CEP112: variants seen among roughly 807,000 people sequenced by gnomAD.
The protein encoded by CEP112 is centrosomal protein of 112 kDa.
In CEP112, 127 loss-of-function variants were observed where a neutral mutation model predicts 153.0. The observed-to-expected ratio is 0.83, with a 90% confidence interval of 0.72 to 0.96. The LOEUF (loss-of-function observed/expected upper bound fraction) is 0.96, where lower values mean the gene tolerates loss of function less well. CEP112 is among the 40% of genes least tolerant of loss of function. The pLI is 0.00. For synonymous variants in CEP112, 358 were observed against 374.4 expected (o/e 0.96, Z 0.51); for missense variants, 1,089 against 1,101.2 (o/e 0.99, Z 0.16).
intron 21 of CEP112, among the ~76,000 whole-genome samples, chr17:65,823,220 T>C (rs527328301): frequency 6.6e-5 from 10 of 152,172 alleles, no homozygotes; most frequent in South Asian, 2.1e-4. Flanking sequence ...GAAACCATCA[T>C]AGGCAAAATG....
chr17:66,121,205 G>T (rs2069567766), intron 6 of CEP112, among the ~76,000 whole-genome samples: 1 of 152,140 alleles, frequency 6.6e-6, no homozygotes, highest in South Asian at 2.1e-4. Flanking sequence ...GAACCTGGGA[G>T]GCAGAAGTTG....
At chr17:65,841,923 C>T (rs1303674848) in intron 21 of CEP112, among the ~76,000 whole-genome samples, 1 of 151,748 alleles carries the variant, frequency 6.6e-6, no homozygotes, top group Admixed American at 6.6e-5. Context: ...CACACACACA[C>T]ACGAGACTTA....
At chr17:65,747,807 A>T (rs2051568264) in intron 22 of CEP112, among the ~76,000 whole-genome samples, 1 of 152,226 alleles carries the variant, frequency 6.6e-6, no homozygotes, top group Non-Finnish European at 1.5e-5. Context: ...ACGGTCTATT[A>T]GGTCCTACAG....
At chr17:65,965,886 C>T in intron 17 of CEP112, among the ~76,000 whole-genome samples, 1 of 152,070 alleles carries the variant, frequency 6.6e-6, no homozygotes, top group Non-Finnish European at 1.5e-5. Context: ...AGGGAAAGAT[C>T]CATTTTAATT....
intron 16 of CEP112, among the ~76,000 whole-genome samples, chr17:66,013,424 T>C (rs1353991154): frequency 2.6e-5 from 4 of 152,158 alleles, no homozygotes; most frequent in South Asian, 4.1e-4. Context: ...TTTATCTCCA[T>C]TGATGTCCTT....
intron 6 of CEP112, among the ~76,000 whole-genome samples, chr17:66,097,500 AGAAG>A (rs1178795229): frequency 2.0e-5 from 3 of 152,190 alleles, no homozygotes; most frequent in Admixed American, 6.5e-5. Flanking sequence ...TTCTTCAGAA[AGAAG>A]GAAGAAACAA....
chr17:65,870,049 G>GA (rs1185536929), intron 20 of CEP112, among the ~76,000 whole-genome samples: 1 of 71,606 alleles, frequency 1.4e-5, no homozygotes, highest in Non-Finnish European at 3.3e-5. Context: ...AAGAAAGAAA[G>GA]AAAGAAAGAA....
At chr17:65,756,240 C>T (rs1193131985) in intron 21 of CEP112, among the ~76,000 whole-genome samples, 2 of 151,770 alleles carry the variant, frequency 1.3e-5, no homozygotes, top group Admixed American at 6.6e-5. Context: ...CCCATCTCTA[C>T]TAAAAATACA....
chr17:65,916,989 T>A (rs1430128323), intron 19 of CEP112, among the ~76,000 whole-genome samples: 1 of 152,154 alleles, frequency 6.6e-6, no homozygotes, highest in Admixed American at 6.5e-5. Context: ...ACCCTTTCTA[T>A]GACTCTAGGC....
intron 6 of CEP112, among the ~76,000 whole-genome samples, chr17:66,127,996 A>G (rs2069931350): frequency 6.6e-6 from 1 of 152,008 alleles, no homozygotes; most frequent in Non-Finnish European, 1.5e-5. Context: ...ACTAACATGG[A>G]GTCCACTATA....
rs1386224849 is a variant in CEP112, at chr17:65,845,074, CT to C, written c.2394+6729del. On this transcript the variant is annotated intron_variant, in intron 21 of 26. Transcript: ENST00000535342. ...GTGGCTCACGCCTGTCCTCCCAGCA[CT>C]TTGGGAGGCCAAGGCGAGTGGATCA... Among the ~76,000 whole-genome samples the C allele has an allele frequency of 7.9e-5, 12 of 152,300 alleles. No individual in the cohort carries two copies. The South Asian group carries it at 2.3e-3, about 29-fold the overall frequency.
intron 18 of CEP112, among the ~76,000 whole-genome samples, chr17:65,950,719 A>AGTG (rs1424432895): frequency 2.0e-5 from 3 of 151,534 alleles, no homozygotes; most frequent in Non-Finnish European, 4.4e-5. Flanking sequence ...TAGTAGTAGT[A>AGTG]GTAGTAGTAG....
rs180868353 is a variant in CEP112 at position 65,941,021 on chromosome 17, G to T, written c.1873-13332C>A. Among the ~76,000 whole-genome samples, 129 of 151,990 alleles carry T rather than the reference G, an allele frequency of 8.5e-4. 1 individual carries two copies. The highest frequency in any genetic ancestry group is 3.0e-3 in the African/African-American group (123 of 41,454). On this transcript the variant is annotated intron_variant, in intron 18 of 26. Transcript: ENST00000535342. ...GTATCTCATAAATATATACAATTAT[G>T]ATTTGTCAATTAAAAATATAAAAAA...
At chr17:66,034,598 T>TGAAA (rs5821555) in intron 12 of CEP112, among the ~76,000 whole-genome samples, 3 of 151,688 alleles carry the variant, frequency 2.0e-5, no homozygotes, top group Non-Finnish European at 4.4e-5. Flanking sequence ...ATGTGAATAA[T>TGAAA]TACAGTGGAG....
chr17:65,734,847 G>GCCCCC (rs2050709513), intron 23 of CEP112, among the ~76,000 whole-genome samples: 2 of 152,266 alleles, frequency 1.3e-5, no homozygotes, highest in East Asian at 3.9e-4. Context: ...TTAAAAGTTA[G>GCCCCC]TTACAATGTG....
intron 21 of CEP112, among the ~76,000 whole-genome samples, chr17:65,819,999 A>G (rs976335456): frequency 1.2e-4 from 18 of 152,084 alleles, no homozygotes; most frequent in African/African-American, 3.4e-4. Context: ...TGTACTATAG[A>G]TAAATAAGAT....
intron 21 of CEP112, among the ~76,000 whole-genome samples, chr17:65,841,553 A>T (rs918135273): frequency 6.6e-6 from 1 of 152,030 alleles, no homozygotes; most frequent in Admixed American, 6.6e-5. Flanking sequence ...AAATACAGTT[A>T]AACGTAAGGA....
chr17:65,741,565 A>C (rs2051140795), intron 23 of CEP112, among the ~76,000 whole-genome samples: 1 of 151,530 alleles, frequency 6.6e-6, no homozygotes. Flanking sequence ...TGTAAGAATT[A>C]GTTTAAAATG....
intron 24 of CEP112, among the ~76,000 whole-genome samples, chr17:65,687,459 C>T (rs988794344): frequency 6.6e-6 from 1 of 151,996 alleles, no homozygotes; most frequent in East Asian, 1.9e-4. Context: ...AGCCACTGCG[C>T]CCGGCCTAGT....
Sources: allele counts gnomAD v4.1 joint callset (sites outside exome capture counted in the v4.1 genomes callset), GRCh38; gene constraint gnomAD v4.1.1; transcripts MANE v1.5; gene names NCBI Gene and HGNC (gene_info 2026-07-23, HGNC 2026-07-21).